WHRN: variants seen among roughly 807,000 people sequenced by gnomAD.
The protein encoded by WHRN is CASK-interacting protein CIP98.
A neutral mutation model predicts 68.3 loss-of-function variants in WHRN; 41 were observed. The ratio of observed to expected loss-of-function variants is 0.60; its 90% CI spans 0.47 to 0.78. The LOEUF is 0.78. Ranked by LOEUF, WHRN falls within the 30% of genes least tolerant of loss-of-function variation. The pLI, the probability that WHRN is intolerant of heterozygous loss-of-function variation, is 0.00. For missense variants in WHRN, 1,243 were observed against 1,244.7 expected (o/e 1.00, Z 0.02); for synonymous variants, 560 against 561.3 (o/e 1.00, Z 0.03).
At position 114,424,351 on chromosome 9, in the gene WHRN, G is replaced by A. The variant is rs752592825; in HGVS notation, c.1399C>T (p.Leu467Phe). ...EALVMALFKL[L>F]NTHAKFSLLS... ...CGGGTCACCTTGGCGTGGGTGTTGA[G>A]CAGCTTGAACAGGGCCATGACGAGG... The change falls in exon 6 of 12, where the codon CTC becomes TTC. Residue 467 changes from leucine to phenylalanine, a missense_variant. By Grantham distance (22) the Leu-to-Phe change is conservative (BLOSUM62 0). Transcript: ENST00000362057. The A allele has an allele frequency of 3.1e-6, 5 of 1,612,288 alleles. No homozygotes were observed. Among genetic ancestry groups the A allele is most frequent in the Non-Finnish European group, 3.4e-6 (4 of 1,180,012 alleles).
rs142268865 is a variant in WHRN at position 114,406,530 on chromosome 9, C to T, written c.2061G>A (p.Pro687=). 3.3e-5 allele frequency: 54 copies of T among 1,613,608 alleles called. No individual in the cohort carries two copies. The highest frequency in any genetic ancestry group is 2.5e-4 in the African/African-American group (19 of 75,008). Residue 687 remains proline (P), a synonymous_variant, in exon 9 of 12, where the codon CCG becomes CCA. Transcript: ENST00000362057. ...IGPFPRVQSP[P]HLKSPSAEAT... is the part of the protein sequence containing the mutation. ...CCTCTGCAGAGGGGCTTTTCAGGTG[C>T]GGGGGTGACTGGACCCGTGGGAAGG...
At chr9:114,489,776 C>T (rs908686666) in intron 1 of WHRN, among the ~76,000 whole-genome samples, 2 of 152,190 alleles carry the variant, frequency 1.3e-5, no homozygotes, top group Admixed American at 1.3e-4. Context: ...GAATTAGATA[C>T]CTTTTCTATG....
chr9:114,443,149 T>C (rs754022969), intron 3 of WHRN, among the ~76,000 whole-genome samples: 1 of 152,156 alleles, frequency 6.6e-6, no homozygotes, highest in Non-Finnish European at 1.5e-5. Flanking sequence ...TGGAAGAATA[T>C]TAGACAAGAG....
chr9:114,446,773 C>G (rs1015873588), intron 3 of WHRN, among the ~76,000 whole-genome samples: 1 of 152,182 alleles, frequency 6.6e-6, no homozygotes, highest in African/African-American at 2.4e-5. Flanking sequence ...TGCCTTAACT[C>G]ATAGCTCCTT....
At chr9:114,405,663 C>T (rs1180218094) in intron 9 of WHRN, among the ~76,000 whole-genome samples, 2 of 152,244 alleles carry the variant, frequency 1.3e-5, no homozygotes, top group African/African-American at 4.8e-5. Flanking sequence ...CACTAGGCTG[C>T]GAGCGCCAGA....
intron 7 of WHRN, among the ~76,000 whole-genome samples, chr9:114,413,063 G>A (rs1210374134): frequency 6.6e-6 from 1 of 152,182 alleles, no homozygotes; most frequent in African/African-American, 2.4e-5. Context: ...ATGCACCAGA[G>A]GCCTAAGGCT....
chr9:114,467,363 C>T (rs879338867), intron 2 of WHRN, among the ~76,000 whole-genome samples: 1 of 152,090 alleles, frequency 6.6e-6, no homozygotes, highest in Non-Finnish European at 1.5e-5. Context: ...GTCAACAGGC[C>T]TTCACGGTAC....
intron 9 of WHRN, 108 bp from the exon 10 acceptor site, chr9:114,404,185 A>ATCTTTGCCTG: frequency 1.7e-6 from 2 of 1,199,456 alleles, no homozygotes; most frequent in Non-Finnish European, 1.2e-6. Context: ...GGAATTCCCC[A>ATCTTTGCCTG]GGCAAAGATG....
intron 3 of WHRN, among the ~76,000 whole-genome samples, chr9:114,461,966 G>T (rs1840281951): frequency 1.3e-5 from 2 of 152,200 alleles, no homozygotes; most frequent in Non-Finnish European, 2.9e-5. Flanking sequence ...GGAGTCATGA[G>T]TATATATACT....
At chr9:114,437,551 A>G (rs763830543) in intron 3 of WHRN, among the ~76,000 whole-genome samples, 2 of 152,196 alleles carry the variant, frequency 1.3e-5, no homozygotes, top group Non-Finnish European at 2.9e-5. Flanking sequence ...AGGGCCTGTG[A>G]GGAGGTAAAT....
At chr9:114,403,746 C>A in intron 10 of WHRN, 150 bp downstream of exon 10, 1 of 989,228 alleles carries the variant, frequency 1.0e-6, no homozygotes, top group Non-Finnish European at 1.6e-6. Context: ...CAGTGCTCCT[C>A]CAGGACGTCC....
chr9:114,452,278 A>C (rs1470546148), intron 3 of WHRN, among the ~76,000 whole-genome samples: 1 of 152,238 alleles, frequency 6.6e-6, no homozygotes, highest in Non-Finnish European at 1.5e-5. Flanking sequence ...TAAAAAGCAG[A>C]GTGTGCAGAA....
intron 5 of WHRN, 127 bp from the exon 6 acceptor site, chr9:114,424,673 C>G (rs556005276): frequency 3.8e-6 from 4 of 1,066,146 alleles, no homozygotes; most frequent in Non-Finnish European, 5.5e-6. Context: ...TCCCTCATAA[C>G]CCCCAGCACC....
At chr9:114,429,582 C>T (rs866584800) in intron 3 of WHRN, among the ~76,000 whole-genome samples, 2 of 152,212 alleles carry the variant, frequency 1.3e-5, no homozygotes, top group South Asian at 2.1e-4. Context: ...CTGAGCTCCC[C>T]GGTTGAGAAG....
chr9:114,471,338 C>G (rs1841203353), intron 2 of WHRN, among the ~76,000 whole-genome samples: 1 of 152,146 alleles, frequency 6.6e-6, no homozygotes, highest in Non-Finnish European at 1.5e-5. Context: ...TGTTGTTATC[C>G]CCACTTTCCA....
At chr9:114,495,010 G>GT (rs1352122597) in intron 1 of WHRN, among the ~76,000 whole-genome samples, 1 of 152,218 alleles carries the variant, frequency 6.6e-6, no homozygotes, top group Non-Finnish European at 1.5e-5. Context: ...AGGTCCTCTG[G>GT]AGAGGACGTA....
At chr9:114,404,151 G>C (rs796614277) in intron 9 of WHRN, 74 bp from the exon 10 acceptor site, 23 of 1,465,260 alleles carry the variant, frequency 1.6e-5, no homozygotes, top group Non-Finnish European at 2.1e-5. Context: ...AGGCAGTGAC[G>C]GAGATGGAGG....
intron 1 of WHRN, among the ~76,000 whole-genome samples, chr9:114,494,631 A>G (rs1449514639): frequency 1.3e-5 from 2 of 152,150 alleles, no homozygotes; most frequent in Non-Finnish European, 2.9e-5. Flanking sequence ...GCAACCCCTC[A>G]AGTCAACAAA....
At chr9:114,415,452 C>T (rs935141091) in intron 7 of WHRN, among the ~76,000 whole-genome samples, 1 of 152,160 alleles carries the variant, frequency 6.6e-6, no homozygotes, top group Non-Finnish European at 1.5e-5. Context: ...TGGCCATGTG[C>T]CAACCTGCTC....
Sources: gnomAD v4.1 joint callset for allele counts (sites outside exome capture counted in the v4.1 genomes callset) on GRCh38, gnomAD v4.1.1 for gene constraint, MANE v1.5 for transcripts, NCBI Gene and HGNC (gene_info 2026-07-23, HGNC 2026-07-21) for gene names.